GIGYF2: variants seen among roughly 807,000 people sequenced by gnomAD.
GIGYF2 encodes the protein GRB10-interacting GYF protein 2.
In GIGYF2, 25 loss-of-function variants were observed where a neutral mutation model predicts 208.1. The ratio of observed to expected loss-of-function variants is 0.12; its 90% CI spans 0.09 to 0.17. The LOEUF (loss-of-function observed/expected upper bound fraction) is 0.17. GIGYF2 is among the 10% of genes least tolerant of loss of function. GIGYF2 has a pLI of 1.00. For synonymous variants in GIGYF2, 534 were observed against 543.8 expected (o/e 0.98, Z 0.25); for missense variants, 1,302 against 1,579.4 (o/e 0.82, Z 2.98).
chr2:232,769,268 C>T (rs866486635), intron 8 of GIGYF2, among the ~76,000 whole-genome samples: 85 of 152,152 alleles, frequency 5.6e-4, no homozygotes, highest in African/African-American at 1.8e-3. Context: ...TGGTGTCTCA[C>T]GCCTGTAATC....
intron 21 of GIGYF2, among the ~76,000 whole-genome samples, chr2:232,828,478 G>C (rs1411239353): frequency 1.3e-5 from 2 of 151,166 alleles, no homozygotes; most frequent in Non-Finnish European, 2.9e-5. Flanking sequence ...TTTGAGTCCA[G>C]GTCTCACTCT....
Position 232,745,316 on chromosome 2 carries a change from T to A in GIGYF2, c.42-2299T>A, listed in dbSNP as rs1268753879. 2.6e-5 allele frequency among the ~76,000 whole-genome samples: 4 copies of A among 152,078 alleles called. No homozygotes were observed. In the East Asian group the frequency reaches 7.7e-4, roughly 29 times the overall value. On this transcript the variant is annotated intron_variant, in intron 3 of 28. Coordinates refer to ENST00000373563, the MANE Select transcript of GIGYF2 (RefSeq NM_001103146.3). Reference sequence around the variant, plus strand: ...CAGGGCTCCCTGGAAATGATTGATTTCAGGTCTGAGGCAAGAAAAATACAA... The same window carrying A: ...CAGGGCTCCCTGGAAATGATTGATTACAGGTCTGAGGCAAGAAAAATACAA...
intron 2 of GIGYF2, among the ~76,000 whole-genome samples, chr2:232,721,219 G>T (rs1696929863): frequency 6.6e-6 from 1 of 152,180 alleles, no homozygotes; most frequent in Non-Finnish European, 1.5e-5. Flanking sequence ...ATTCCACTAT[G>T]CCATGCATTC....
Position 232,730,463 on chromosome 2 carries a change from G to A in GIGYF2, c.-43-4692G>A, listed in dbSNP as rs574039997. 3.4e-3 allele frequency among the ~76,000 whole-genome samples: 510 copies of A among 151,498 alleles called. 3 individuals carry two copies. Among genetic ancestry groups the A allele is most frequent in the Middle Eastern group, 0.017 (5 of 294 alleles). On this transcript the variant is annotated intron_variant, in intron 2 of 28. Coordinates refer to ENST00000373563, the MANE Select transcript of GIGYF2 (RefSeq NM_001103146.3). Reference sequence around the variant, plus strand: ...CTACTGAAAATACAACAATTAGCTGGGTGTGGTGGTGCATGCATGTAATCC... The same window carrying A: ...CTACTGAAAATACAACAATTAGCTGAGTGTGGTGGTGCATGCATGTAATCC...
chr2:232,763,607 G>A (rs1276242167), intron 8 of GIGYF2, among the ~76,000 whole-genome samples: 3 of 151,934 alleles, frequency 2.0e-5, no homozygotes, highest in African/African-American at 4.8e-5. Flanking sequence ...GGCAGATCAC[G>A]TGAGGTCAGG....
At chr2:232,847,936 A>G (rs1231408396) in intron 27 of GIGYF2, among the ~76,000 whole-genome samples, 1 of 152,240 alleles carries the variant, frequency 6.6e-6, no homozygotes, top group African/African-American at 2.4e-5. Context: ...AGTACTGACA[A>G]CACTGCAGCA....
rs1273669515 is a variant in GIGYF2, at chr2:232,847,331, C to G, written c.3461-17C>G. The G allele has an allele frequency of 6.2e-7, 1 of 1,608,662 alleles. No homozygotes were observed. Among genetic ancestry groups the G allele is most frequent in the Admixed American group, 1.7e-5 (1 of 60,006 alleles). ...TATTTCATTGTTACCCTTATCTTCT[C>G]CCCTCCCGTTTTGCAGTTCCCACAT... On this transcript the variant is annotated splice_polypyrimidine_tract_variant and intron_variant, in intron 26 of 28. Transcript: ENST00000373563.
At chr2:232,852,835 G>C (rs769105084) in intron 28 of GIGYF2, among the ~76,000 whole-genome samples, 11 of 152,202 alleles carry the variant, frequency 7.2e-5, no homozygotes, top group Non-Finnish European at 1.5e-4. Flanking sequence ...AGGTTGCTCT[G>C]AAAATGAGGT....
At position 232,845,869 on chromosome 2, in the gene GIGYF2, C is replaced by A; in HGVS notation, c.3443C>A (p.Thr1148Lys). 1 of 1,605,144 alleles carries A rather than the reference C, an allele frequency of 6.2e-7. No individual in the cohort carries two copies. Among genetic ancestry groups the A allele is most frequent in the Non-Finnish European group, 8.5e-7 (1 of 1,171,918 alleles). The change falls in exon 26 of 29, where the codon ACG becomes AAG. Residue 1148 changes from threonine to lysine, a missense_variant. Physicochemically the swap from Thr to Lys is moderately conservative, Grantham distance 78. This residue lies in a region of GIGYF2 where 701 missense variants were observed against 793.0 expected (regional missense o/e 0.88). Coordinates refer to ENST00000373563, the MANE Select transcript of GIGYF2 (RefSeq NM_001103146.3). Reference protein sequence around the residue: ...WCEQMLHALNTANNLDVPTFV... With the variant: ...WCEQMLHALNKANNLDVPTFV... ...GAACAGATGCTTCATGCCCTTAATA[C>A]GGCAAATAACTTGGATGGTAAGAAT...
intron 3 of GIGYF2, among the ~76,000 whole-genome samples, chr2:232,739,595 C>G (rs1163398138): frequency 1.3e-5 from 2 of 151,798 alleles, no homozygotes; most frequent in African/African-American, 4.8e-5. Context: ...GAGAGGATCA[C>G]TTGAGCCTGG....
intron 28 of GIGYF2, among the ~76,000 whole-genome samples, chr2:232,854,550 G>A (rs1377902587): frequency 1.3e-5 from 2 of 152,032 alleles, no homozygotes; most frequent in Middle Eastern, 3.2e-3. Context: ...TATTTTCAAG[G>A]GGGAAGAAAA....
At chr2:232,852,819 G>C (rs946455312) in intron 28 of GIGYF2, among the ~76,000 whole-genome samples, 53 of 152,310 alleles carry the variant, frequency 3.5e-4, no homozygotes, top group African/African-American at 1.2e-3. Context: ...TAGGCTGTTA[G>C]GGAAAAGGTT....
chr2:232,785,032 CT>C (rs956165242), intron 8 of GIGYF2, among the ~76,000 whole-genome samples: 3 of 152,066 alleles, frequency 2.0e-5, no homozygotes, highest in Middle Eastern at 3.2e-3. Flanking sequence ...CAGACAGATG[CT>C]GGTGCCATGC....
intron 2 of GIGYF2, among the ~76,000 whole-genome samples, chr2:232,710,201 C>T (rs1012675661): frequency 1.3e-5 from 2 of 152,004 alleles, no homozygotes; most frequent in African/African-American, 4.8e-5. Context: ...CCTTGTGATC[C>T]GTCTGTCTCG....
chr2:232,820,135 G>T, intron 21 of GIGYF2, 150 bp downstream of exon 21: 1 of 746,696 alleles, frequency 1.3e-6, no homozygotes, highest in Non-Finnish European at 2.2e-6. Context: ...TATTACTTCT[G>T]TCTAAATTTC....
At chr2:232,841,457 A>C in intron 23 of GIGYF2, among the ~76,000 whole-genome samples, 1 of 84,422 alleles carries the variant, frequency 1.2e-5, no homozygotes, top group Admixed American at 1.4e-4. Flanking sequence ...CACCACCACC[A>C]GCTATTTTTT....
In GIGYF2 at chr2:232,860,144, C is replaced by G. The variant is rs980814954; in HGVS notation, c.*3284C>G. ...ACATGAAGGACTTTATTTTCATTGGCTTTAAGTTGAGGGTTTTTGTTTTTG... is the reference window on the plus strand; with the variant it reads ...ACATGAAGGACTTTATTTTCATTGGGTTTAAGTTGAGGGTTTTTGTTTTTG... On this transcript the variant is annotated 3_prime_UTR_variant, in exon 29 of 29. Coordinates refer to ENST00000373563, the MANE Select transcript of GIGYF2 (RefSeq NM_001103146.3). 1 of 151,970 alleles carries G rather than the reference C, an allele frequency of 6.6e-6. No homozygotes were observed. The highest frequency in any genetic ancestry group is 1.5e-5 in the Non-Finnish European group (1 of 68,010). 9.4% of individuals were successfully genotyped at this position (151,970 alleles called of 1,614,324 possible).
intron 8 of GIGYF2, among the ~76,000 whole-genome samples, chr2:232,778,982 G>C (rs1699621463): frequency 1.3e-5 from 2 of 152,138 alleles, no homozygotes; most frequent in African/African-American, 4.8e-5. Flanking sequence ...CATCAGAGAA[G>C]GCCCCTCCCT....
At chr2:232,810,351 A>G (rs1700697970) in intron 16 of GIGYF2, 1 of 156,190 alleles carries the variant, frequency 6.4e-6, no homozygotes, top group Admixed American at 6.2e-5. Flanking sequence ...TAAGCTCTTT[A>G]GTTTCTAAGT....
Sources: allele counts gnomAD v4.1 joint callset (sites outside exome capture counted in the v4.1 genomes callset), GRCh38; gene constraint gnomAD v4.1.1; regional missense constraint gnomAD v4.1.1; transcripts MANE v1.5; gene names NCBI Gene and HGNC (gene_info 2026-07-23, HGNC 2026-07-21).